NRG1: variants seen among roughly 807,000 people sequenced by gnomAD.
The protein encoded by NRG1 is neuregulin 1, also known as pro-neuregulin-1, membrane-bound isoform.
NRG1 carries 18 observed loss-of-function variants against 63.8 expected under a neutral mutation model. The ratio of observed to expected loss-of-function variants is 0.28; its 90% CI spans 0.19 to 0.42. The LOEUF is 0.42. Among genes scored for constraint, NRG1 ranks in the 10% least tolerant of loss-of-function variants. The pLI is 1.00. For synonymous variants in NRG1, 302 were observed against 301.3 expected (o/e 1.00, Z -0.02); for missense variants, 762 against 814.7 (o/e 0.94, Z 0.79).
At chr8:31,751,819 T>G (rs1359805094) in intron 1 of NRG1, among the ~76,000 whole-genome samples, 1 of 151,868 alleles carries the variant, frequency 6.6e-6, no homozygotes, top group East Asian at 1.9e-4. Context: ...GAAAGATGTT[T>G]AAGGTGACAT....
chr8:31,648,245 T>G (rs930961940), intron 1 of NRG1, among the ~76,000 whole-genome samples: 2 of 145,362 alleles, frequency 1.4e-5, no homozygotes, highest in African/African-American at 5.1e-5. Flanking sequence ...GCCATTCTCC[T>G]GCCTCAGCCT....
intron 1 of NRG1, among the ~76,000 whole-genome samples, chr8:32,057,150 G>T (rs1463950524): frequency 6.6e-6 from 1 of 152,126 alleles, no homozygotes; most frequent in Non-Finnish European, 1.5e-5. Flanking sequence ...GATGAGAAAT[G>T]ATCAGTTTCT....
At chr8:32,084,588 GTGTTACT>G (rs1827952553) in intron 1 of NRG1, among the ~76,000 whole-genome samples, 1 of 152,180 alleles carries the variant, frequency 6.6e-6, no homozygotes, top group Non-Finnish European at 1.5e-5. Flanking sequence ...GAGATGCCAT[GTGTTACT>G]TAAAGATGTT....
At chr8:32,192,092 C>A (rs768432865) in intron 1 of NRG1, 1 of 152,352 alleles carries the variant, frequency 6.6e-6, no homozygotes, top group Non-Finnish European at 1.5e-5. Context: ...CAAGTACTGA[C>A]CAGGCCTCAC....
intron 5 of NRG1, among the ~76,000 whole-genome samples, chr8:32,697,377 C>T (rs955070482): frequency 6.6e-6 from 1 of 152,200 alleles, no homozygotes; most frequent in African/African-American, 2.4e-5. Context: ...CTACTCATAT[C>T]CAGAGTTAAC....
intron 1 of NRG1, among the ~76,000 whole-genome samples, chr8:31,820,255 A>T (rs1034597392): frequency 6.6e-6 from 1 of 152,156 alleles, no homozygotes; most frequent in Non-Finnish European, 1.5e-5. Flanking sequence ...ACCGCATGAG[A>T]GGAACCCTGG....
intron 1 of NRG1, among the ~76,000 whole-genome samples, chr8:32,147,694 T>A (rs528667831): frequency 6.6e-6 from 1 of 152,318 alleles, no homozygotes; most frequent in South Asian, 2.1e-4. Flanking sequence ...TGTCTTCTGG[T>A]CCAAGCTTGG....
At chr8:32,325,896 G>A (rs527438162) in intron 1 of NRG1, among the ~76,000 whole-genome samples, 49 of 152,088 alleles carry the variant, frequency 3.2e-4, no homozygotes, top group South Asian at 6.2e-4. Flanking sequence ...TTCCTCTTTC[G>A]TAACTAGGGA....
At chr8:32,571,831 T>A (rs2466100) in intron 1 of NRG1, among the ~76,000 whole-genome samples, 82,561 of 151,894 alleles carry the variant, frequency 0.54, 22,737 homozygotes, top group East Asian at 0.83. Context: ...ATTCCCATGG[T>A]AAGACAACTC....
chr8:32,590,841 G>C (rs529502993), intron 1 of NRG1, among the ~76,000 whole-genome samples: 2 of 151,752 alleles, frequency 1.3e-5, no homozygotes, highest in African/African-American at 4.8e-5. Context: ...AAACCACATG[G>C]GCTCAAATAT....
At chr8:31,862,803 G>T (rs928148081) in intron 1 of NRG1, among the ~76,000 whole-genome samples, 7 of 152,242 alleles carry the variant, frequency 4.6e-5, no homozygotes, top group African/African-American at 1.2e-4. Flanking sequence ...ATGTGGCCTT[G>T]AGGCAAGGGA....
At chr8:32,752,585 T>C (rs1421627028) in intron 7 of NRG1, among the ~76,000 whole-genome samples, 1 of 152,174 alleles carries the variant, frequency 6.6e-6, no homozygotes, top group Non-Finnish European at 1.5e-5. Flanking sequence ...CACCCAAGCA[T>C]TTCCTCCCTC....
intron 5 of NRG1, chr8:32,648,521 T>G: frequency 6.8e-6 from 9 of 1,319,708 alleles, no homozygotes; most frequent in Non-Finnish European, 9.1e-6. Context: ...TTTGAGATGC[T>G]TGGGATGGCA....
At chr8:31,869,795 A>G (rs1261950767) in intron 1 of NRG1, among the ~76,000 whole-genome samples, 1 of 152,240 alleles carries the variant, frequency 6.6e-6, no homozygotes, top group Non-Finnish European at 1.5e-5. Flanking sequence ...AAAGCCCATC[A>G]GGGCAGGTTT....
At chr8:31,711,019 A>T (rs1811688991) in intron 1 of NRG1, among the ~76,000 whole-genome samples, 1 of 152,104 alleles carries the variant, frequency 6.6e-6, no homozygotes, top group Non-Finnish European at 1.5e-5. Context: ...CCTTTTGTAA[A>T]CTATGTTTGT....
chr8:31,734,006 C>G (rs1814392187), intron 1 of NRG1, among the ~76,000 whole-genome samples: 1 of 152,140 alleles, frequency 6.6e-6, no homozygotes, highest in African/African-American at 2.4e-5. Flanking sequence ...CCAGCTGTTT[C>G]ATGACTCCAT....
chr8:32,260,443 A>G (rs760676207), intron 1 of NRG1, among the ~76,000 whole-genome samples: 1 of 152,228 alleles, frequency 6.6e-6, no homozygotes, highest in Non-Finnish European at 1.5e-5. Flanking sequence ...GGGTCAGTCC[A>G]TAGAACAAAA....
intron 1 of NRG1, among the ~76,000 whole-genome samples, chr8:32,566,920 C>G (rs1251113502): frequency 2.0e-5 from 3 of 152,284 alleles, no homozygotes; most frequent in African/African-American, 7.2e-5. Context: ...GTGGCGCGAT[C>G]TCAGCTCACT....
intron 1 of NRG1, among the ~76,000 whole-genome samples, chr8:32,281,116 G>A (rs1852767059): frequency 6.7e-6 from 1 of 149,244 alleles, no homozygotes; most frequent in East Asian, 2.0e-4. Context: ...TGTTACTGGG[G>A]TTTGGTGTAC....
Sources: allele counts gnomAD v4.1 joint callset (sites outside exome capture counted in the v4.1 genomes callset), GRCh38; gene constraint gnomAD v4.1.1; transcripts MANE v1.5; gene names NCBI Gene and HGNC (gene_info 2026-07-23, HGNC 2026-07-21).